The following SNTG1 variants were observed in gnomAD, a reference collection of about 807,000 sequenced individuals.
SNTG1 encodes the protein gamma-1-syntrophin.
Under a neutral mutation model 74.7 loss-of-function variants are expected in SNTG1, and 39 were observed. The observed-to-expected ratio is 0.52, with a 90% CI of 0.40 to 0.68. The LOEUF (loss-of-function observed/expected upper bound fraction) is 0.68. Ranked by LOEUF, SNTG1 falls within the 30% of genes least tolerant of loss-of-function variation. SNTG1 has a pLI of 0.00. For synonymous variants in SNTG1, 254 were observed against 217.1 expected (o/e 1.17, Z -1.49); for missense variants, 685 against 609.5 (o/e 1.12, Z -1.30).
At chr8:49,916,898 G>A (rs1428092314) in intron 1 of SNTG1, among the ~76,000 whole-genome samples, 5 of 151,850 alleles carry the variant, frequency 3.3e-5, no homozygotes, top group Admixed American at 1.3e-4. Context: ...TGGTGAATGT[G>A]CCTGTAGTCT....
intron 1 of SNTG1, among the ~76,000 whole-genome samples, chr8:49,947,302 A>T (rs1470894384): frequency 6.6e-6 from 1 of 152,082 alleles, no homozygotes; most frequent in African/African-American, 2.4e-5. Context: ...CTCCGTCTCA[A>T]AAAAAAAGAG....
chr8:50,590,731 T>G (rs2094686127), intron 12 of SNTG1, 148 bp from the exon 13 acceptor site: 3 of 483,120 alleles, frequency 6.2e-6, no homozygotes, highest in Admixed American at 4.3e-5. Flanking sequence ...TCTGTTTATA[T>G]ATGTTGTTTT....
intron 4 of SNTG1, among the ~76,000 whole-genome samples, chr8:50,436,281 G>C (rs945488868): frequency 6.6e-6 from 1 of 152,056 alleles, no homozygotes; most frequent in African/African-American, 2.4e-5. Context: ...GTTTAGTTGG[G>C]TTGTCAGTTT....
chr8:50,088,106 C>T lies in SNTG1; in HGVS notation c.-102-84455C>T, dbSNP rs1210303542. Among the ~76,000 whole-genome samples the T allele has an allele frequency of 2.3e-3, 351 of 150,558 alleles. 4 individuals are homozygous for T. Among genetic ancestry groups the T allele is most frequent in the African/African-American group, 7.9e-3 (322 of 40,908 alleles). On this transcript the variant is annotated intron_variant, in intron 1 of 18. Coordinates refer to ENST00000642720, the MANE Select transcript of SNTG1 (RefSeq NM_018967.5). ...TTCATCCATGTCCCTACAAAGGACA[C>T]GAACTCATCATTTTTTATGGCTGCA...
intron 15 of SNTG1, among the ~76,000 whole-genome samples, chr8:50,688,448 G>T (rs919500533): frequency 6.6e-6 from 1 of 152,166 alleles, no homozygotes; most frequent in South Asian, 2.1e-4. Flanking sequence ...GTGTAAGGAA[G>T]GGATCCAGAT....
chr8:50,560,548 A>G (rs1317557676), intron 12 of SNTG1, among the ~76,000 whole-genome samples: 1 of 152,236 alleles, frequency 6.6e-6, no homozygotes, highest in Non-Finnish European at 1.5e-5. Flanking sequence ...ATAGAAAGGA[A>G]CAAGATCATG....
chr8:50,739,325 C>T (rs1405477744), intron 17 of SNTG1, among the ~76,000 whole-genome samples: 2 of 152,052 alleles, frequency 1.3e-5, no homozygotes, highest in African/African-American at 4.8e-5. Flanking sequence ...CTCATCATCA[C>T]TGGTCTTTAG....
chr8:50,786,749 G>C (rs898574134), intron 18 of SNTG1, among the ~76,000 whole-genome samples: 1 of 152,060 alleles, frequency 6.6e-6, no homozygotes. Flanking sequence ...GAAAGGAACA[G>C]GTTTTTCAAC....
At chr8:50,183,130 T>G (rs2083266625) in intron 2 of SNTG1, among the ~76,000 whole-genome samples, 1 of 152,112 alleles carries the variant, frequency 6.6e-6, no homozygotes, top group Non-Finnish European at 1.5e-5. Context: ...AAACCACTAC[T>G]CCTTTGCTAG....
chr8:50,270,105 C>T (rs187051054), intron 2 of SNTG1, among the ~76,000 whole-genome samples: 1 of 152,106 alleles, frequency 6.6e-6, no homozygotes, highest in African/African-American at 2.4e-5. Flanking sequence ...AATATCAAAG[C>T]AGAAAACATG....
chr8:50,008,715 G>T (rs937417280), intron 1 of SNTG1, among the ~76,000 whole-genome samples: 1 of 152,122 alleles, frequency 6.6e-6, no homozygotes, highest in African/African-American at 2.4e-5. Context: ...CCTACAGCTT[G>T]TCTCAGTTAA....
chr8:50,152,372 C>G (rs1015878245), intron 1 of SNTG1, among the ~76,000 whole-genome samples: 1 of 152,136 alleles, frequency 6.6e-6, no homozygotes, highest in Admixed American at 6.5e-5. Context: ...ATTTGCCAGT[C>G]TGTGTCTTTT....
intron 17 of SNTG1, among the ~76,000 whole-genome samples, chr8:50,721,366 C>T (rs537388473): frequency 6.6e-5 from 10 of 152,294 alleles, no homozygotes; most frequent in African/African-American, 2.2e-4. Flanking sequence ...CATTTTCAAG[C>T]TTTGAGCCAA....
At chr8:50,401,855 A>G (rs2092810212) in intron 3 of SNTG1, among the ~76,000 whole-genome samples, 1 of 152,238 alleles carries the variant, frequency 6.6e-6, no homozygotes, top group Admixed American at 6.5e-5. Context: ...GTTGAATTGT[A>G]TGGAATTTGA....
intron 1 of SNTG1, among the ~76,000 whole-genome samples, chr8:50,016,132 G>T (rs66541944): frequency 0.11 from 16,734 of 152,092 alleles, 1,107 homozygotes; most frequent in South Asian, 0.21. Flanking sequence ...ACCAAACAGT[G>T]ACCATGATCT....
chr8:50,701,756 C>CTTCTTCTT lies in SNTG1; in HGVS notation c.1039-2844_1039-2843insTTCTTCTT, dbSNP rs1563761853. Among the ~76,000 whole-genome samples, 386 of 123,782 alleles carry CTTCTTCTT rather than the reference C, an allele frequency of 3.1e-3. 3 individuals carry two copies. Among genetic ancestry groups the CTTCTTCTT allele is most frequent in the Non-Finnish European group, 4.6e-3 (289 of 63,398 alleles). The allele number at this position is 123,782 out of a possible 152,430, so 81.2% of individuals were successfully genotyped here. On this transcript the variant is annotated intron_variant, in intron 15 of 18. Coordinates refer to ENST00000642720, the MANE Select transcript of SNTG1 (RefSeq NM_018967.5). Reference sequence around the variant, plus strand: ...TTTTTCTTTTTCTTCTCCTTCTTCTCCTTCTTCTTCTTCTTCTTTCTCTTC... The same window carrying CTTCTTCTT: ...TTTTTCTTTTTCTTCTCCTTCTTCTCTTCTTCTTCTTCTTCTTCTTCTTCTTTCTCTTC...
At chr8:49,923,005 A>G (rs1032923343) in intron 1 of SNTG1, among the ~76,000 whole-genome samples, 1 of 152,088 alleles carries the variant, frequency 6.6e-6, no homozygotes, top group Non-Finnish European at 1.5e-5. Flanking sequence ...TAGATATTCC[A>G]CCTGAAATAT....
chr8:49,915,978 A>AT (rs934395314), intron 1 of SNTG1, among the ~76,000 whole-genome samples: 4 of 152,054 alleles, frequency 2.6e-5, no homozygotes, highest in South Asian at 4.1e-4. Context: ...CGTCACTATG[A>AT]TTTTTTCAAT....
intron 2 of SNTG1, among the ~76,000 whole-genome samples, chr8:50,355,513 A>G (rs1231008271): frequency 6.6e-6 from 1 of 152,162 alleles, no homozygotes; most frequent in Non-Finnish European, 1.5e-5. Flanking sequence ...ATGCTTTACT[A>G]TAGAAAGGAT....
Sources: gnomAD v4.1 joint callset for allele counts (sites outside exome capture counted in the v4.1 genomes callset) on GRCh38, gnomAD v4.1.1 for gene constraint, MANE v1.5 for transcripts, NCBI Gene and HGNC (gene_info 2026-07-23, HGNC 2026-07-21) for gene names.